The following ARHGAP32 variants were observed in gnomAD, a reference collection of about 807,000 sequenced individuals.
The protein encoded by ARHGAP32 is Rho GTPase activating protein 32, also known as rho GTPase-activating protein 32.
Under a neutral mutation model 186.5 loss-of-function variants are expected in ARHGAP32, and 51 were observed. The ratio of observed to expected loss-of-function variants is 0.27; its 90% CI spans 0.22 to 0.35. ARHGAP32 has a LOEUF of 0.35. Ranked by LOEUF, ARHGAP32 falls within the 10% of genes least tolerant of loss-of-function variation. The pLI, the probability that ARHGAP32 is intolerant of heterozygous loss-of-function variation, is 1.00. For missense variants in ARHGAP32, 2,186 were observed against 2,623.5 expected (o/e 0.83, Z 3.64); for synonymous variants, 950 against 964.3 (o/e 0.99, Z 0.27).
chr11:128,993,950 G>C (rs1163991698), intron 12 of ARHGAP32, among the ~76,000 whole-genome samples: 1 of 151,934 alleles, frequency 6.6e-6, no homozygotes, highest in African/African-American at 2.4e-5. Context: ...CACTCAAATA[G>C]ATTTTATCAT....
intron 5 of ARHGAP32, among the ~76,000 whole-genome samples, chr11:129,104,341 C>G (rs1941989921): frequency 6.6e-6 from 1 of 151,870 alleles, no homozygotes; most frequent in South Asian, 2.1e-4. Flanking sequence ...AATTATCATC[C>G]TGAACAACAC....
At position 128,969,262 on chromosome 11, in the gene ARHGAP32, T is replaced by C. The variant is rs1454962449; in HGVS notation, c.5951A>G (p.Glu1984Gly). 6.2e-6 allele frequency: 10 copies of C among 1,614,024 alleles called. No homozygotes were observed. The highest frequency in any genetic ancestry group is 8.5e-6 in the Non-Finnish European group (10 of 1,180,002). The change falls in exon 23 of 23, where the codon GAA (glutamate) becomes GGA (glycine). Residue 1984 changes from glutamate (E) to glycine (G), a missense_variant. Around this residue, in one of 5 missense-constraint regions of ARHGAP32, gnomAD observed 1,502 missense variants for 1,570.0 expected, o/e 0.96. Transcript: ENST00000682385. The surrounding 1 kb of genome is among the most constrained non-coding windows in gnomAD (Gnocchi z 4.8). ...GACGATTGACTGAGTGAGGTGTTCT[T>C]CCTCCTTGTAGCAGTCTCTGGAGTG... ...EKHSRDCYKE[E>G]EHLTQSIVPP...
chr11:128,989,551 CACACAT>C (rs1299399856), intron 12 of ARHGAP32, among the ~76,000 whole-genome samples: 9 of 151,326 alleles, frequency 5.9e-5, no homozygotes, highest in African/African-American at 1.9e-4. Context: ...CACACACACA[CACACAT>C]ACATATATCT....
intron 1 of ARHGAP32, among the ~76,000 whole-genome samples, chr11:129,209,131 G>A (rs190007055): frequency 2.0e-5 from 3 of 152,168 alleles, no homozygotes; most frequent in African/African-American, 2.4e-5. Context: ...AAAACAGTTC[G>A]AGGATACACA....
intron 1 of ARHGAP32, among the ~76,000 whole-genome samples, chr11:129,211,373 A>T (rs921914572): frequency 2.6e-5 from 4 of 152,210 alleles, no homozygotes; most frequent in African/African-American, 9.6e-5. Context: ...ACAATTGTAT[A>T]AAAATGTTTT....
chr11:129,146,159 A>C (rs1028415774), intron 2 of ARHGAP32, among the ~76,000 whole-genome samples: 2 of 152,200 alleles, frequency 1.3e-5, no homozygotes, highest in African/African-American at 4.8e-5. Context: ...AAGGATACTG[A>C]TTTAAAAAAC....
chr11:129,118,916 C>T (rs1009589584), intron 5 of ARHGAP32, among the ~76,000 whole-genome samples: 15 of 151,966 alleles, frequency 9.9e-5, no homozygotes, highest in African/African-American at 3.6e-4. Flanking sequence ...TATAACTCAG[C>T]ATAATGTGTC....
intron 1 of ARHGAP32, among the ~76,000 whole-genome samples, chr11:129,212,862 T>A (rs891971717): frequency 1.1e-4 from 16 of 151,892 alleles, no homozygotes; most frequent in Middle Eastern, 6.8e-3. Flanking sequence ...AGTTTTTTTT[T>A]AAATTGTGAT....
chr11:129,194,713 A>G (rs1455507780), upstream of ARHGAP32, among the ~76,000 whole-genome samples: 1 of 151,546 alleles, frequency 6.6e-6, no homozygotes, highest in Non-Finnish European at 1.5e-5. Flanking sequence ...AGATCACGCC[A>G]TTGCACTCCA....
Position 128,986,581 on chromosome 11 carries a change from C to T in ARHGAP32, c.1386G>A (p.Leu462=), listed in dbSNP as rs765818294. 1 of 1,614,090 alleles carries T rather than the reference C, an allele frequency of 6.2e-7. No individual in the cohort carries two copies. Among genetic ancestry groups the T allele is most frequent in the African/African-American group, 1.3e-5 (1 of 75,042 alleles). The change falls in exon 14 of 23, where the codon CTG becomes CTA. Residue 462 remains leucine (L), a synonymous_variant. Transcript: ENST00000682385. ...DIHSVGSLCK[L]YFRELPNPLL... is the part of the protein sequence containing the mutation. Reference sequence around the variant, plus strand: ...GAGGGTTTGGGAGTTCCCGGAAGTACAGCTTACATAGGGAACCCACAGAAT... The same window carrying T: ...GAGGGTTTGGGAGTTCCCGGAAGTATAGCTTACATAGGGAACCCACAGAAT...
chr11:129,256,835 G>A (rs1945261237), intron 1 of ARHGAP32, among the ~76,000 whole-genome samples: 1 of 152,186 alleles, frequency 6.6e-6, no homozygotes, highest in Non-Finnish European at 1.5e-5. Flanking sequence ...TAAGTTCAGA[G>A]AGAAGCGCTT....
At chr11:129,091,102 C>T (rs527525875) in intron 6 of ARHGAP32, among the ~76,000 whole-genome samples, 6 of 152,172 alleles carry the variant, frequency 3.9e-5, no homozygotes, top group Admixed American at 2.6e-4. Context: ...GAGTTGTGGG[C>T]TCACCACAGC....
At chr11:129,013,181 T>C (rs1171963217) in intron 11 of ARHGAP32, among the ~76,000 whole-genome samples, 3 of 152,198 alleles carry the variant, frequency 2.0e-5, no homozygotes, top group African/African-American at 4.8e-5. Context: ...ATTAAGATAA[T>C]GGAGGGTGTC....
chr11:129,193,325 GGGCGGGA>G (rs1434283907), upstream of ARHGAP32, among the ~76,000 whole-genome samples: 4 of 7,774 alleles, frequency 5.1e-4, no homozygotes, highest in Admixed American at 3.5e-3. Context: ...GGGGGGGGGG[GGGCGGGA>G]AACAGCCAAG....
chr11:129,265,312 A>G (rs1945382143), intron 1 of ARHGAP32, among the ~76,000 whole-genome samples: 1 of 152,182 alleles, frequency 6.6e-6, no homozygotes, highest in African/African-American at 2.4e-5. Context: ...AGGGTTTCTC[A>G]ACCTTGGCGC....
At chr11:129,258,984 C>T (rs971659423) in intron 1 of ARHGAP32, among the ~76,000 whole-genome samples, 1 of 152,134 alleles carries the variant, frequency 6.6e-6, no homozygotes, top group Non-Finnish European at 1.5e-5. Flanking sequence ...CAGATTTCTG[C>T]ACTCTATCAT....
intron 11 of ARHGAP32, among the ~76,000 whole-genome samples, chr11:128,999,530 G>A (rs537637597): frequency 5.3e-5 from 8 of 152,144 alleles, no homozygotes; most frequent in Non-Finnish European, 7.4e-5. Flanking sequence ...CACCCTATTC[G>A]TAAACACCCT....
Position 129,123,432 on chromosome 11 carries a change from A to G in ARHGAP32, c.444+14T>C, listed in dbSNP as rs1161070126. 1.6e-5 allele frequency: 25 copies of G among 1,602,032 alleles called. No individual in the cohort carries two copies. Among genetic ancestry groups the G allele is most frequent in the Non-Finnish European group, 2.1e-5 (25 of 1,170,048 alleles). On this transcript the variant is annotated intron_variant, in intron 5 of 22. Transcript: ENST00000682385. The surrounding 1 kb of genome is among the most constrained non-coding windows in gnomAD (Gnocchi z 4.6). ...TAAATCTTAATTCAAGATGTAAGAA[A>G]TATTTCAGTATACCTGTATGCTGCC...
chr11:129,115,516 A>G (rs1942343816), intron 5 of ARHGAP32, among the ~76,000 whole-genome samples: 1 of 152,146 alleles, frequency 6.6e-6, no homozygotes, highest in African/African-American at 2.4e-5. Flanking sequence ...TAGAATCACC[A>G]TCAGTTCACT....
Sources: gnomAD v4.1 joint callset for allele counts (sites outside exome capture counted in the v4.1 genomes callset) on GRCh38, gnomAD v4.1.1 for gene constraint, gnomAD v4.1.1 regional missense constraint, Gnocchi (gnomAD v3.1) non-coding constraint, MANE v1.5 for transcripts, NCBI Gene and HGNC (gene_info 2026-07-23, HGNC 2026-07-21) for gene names.